The following PHLPP1 variants were observed in gnomAD, a reference collection of about 807,000 sequenced individuals.
PHLPP1 encodes PH domain leucine-rich repeat-containing protein phosphatase 1.
In PHLPP1, 42 loss-of-function variants were observed where a neutral mutation model predicts 117.2. The observed-to-expected ratio is 0.36, with a 90% CI of 0.28 to 0.46. PHLPP1 has a LOEUF of 0.46. Among genes scored for constraint, PHLPP1 ranks in the 20% least tolerant of loss-of-function variants. The probability of loss-of-function intolerance (pLI) is 1.00; values close to 1 mark genes in which losing one functional copy is unlikely to be tolerated. For synonymous variants in PHLPP1, 1,042 were observed against 970.7 expected, an observed-to-expected ratio of 1.07 and a Z score of -1.37; for missense variants, 2,084 against 2,241.9, an observed-to-expected ratio of 0.93 and a Z score of 1.42.
Position 62,978,441 on chromosome 18 carries a change from C to T in PHLPP1, c.4164C>T (p.Ala1388=), listed in dbSNP as rs371707747. The T allele has an allele frequency of 5.0e-6, 8 of 1,611,194 alleles. No individual in the cohort carries two copies. In the Admixed American group the frequency reaches 5.0e-5, roughly 10 times the overall value. Residue 1388 remains alanine (A), a synonymous_variant, in exon 17 of 17, where the codon GCC becomes GCT. Coordinates refer to ENST00000262719, the MANE Select transcript of PHLPP1 (RefSeq NM_194449.4). This position sits in a 1 kb window ranked among gnomAD's most constrained non-coding sequence, Gnocchi z 7.0. ...TGTCCGTCGAGGAGGCCGTGGAAGC[C>T]GTGCGCAACGTGCCCGATGCCCTGG... ...DSLSVEEAVE[A]VRNVPDALAA...
At position 62,830,126 on chromosome 18, in the gene PHLPP1, A is replaced by G; in HGVS notation, c.1668A>G (p.Arg556=). The change falls in exon 2 of 17, where the codon CGA becomes CGG. Residue 556 remains arginine (R), a synonymous_variant. Coordinates refer to ENST00000262719, the MANE Select transcript of PHLPP1 (RefSeq NM_194449.4). ...GCAAGATGCAGTTGCCAGTGAACCG[A>G]TGGACAAGACGCCAAGTCATCCTAT... is the stretch of plus-strand genomic sequence containing the variant. ...RKGKMQLPVN[R]WTRRQVILCG... is the part of the protein sequence containing the mutation. The G allele has an allele frequency of 6.2e-7, 1 of 1,612,352 alleles. No individual in the cohort carries two copies. The highest frequency in any genetic ancestry group is 8.5e-7 in the Non-Finnish European group (1 of 1,179,174).
At chr18:62,849,923 C>T (rs954579773) in intron 3 of PHLPP1, among the ~76,000 whole-genome samples, 15 of 143,140 alleles carry the variant, frequency 1.0e-4, no homozygotes, top group Non-Finnish European at 2.1e-4. Flanking sequence ...AAATTTTCTA[C>T]GCCTACTCCG....
chr18:62,937,731 G>A (rs905914609), intron 10 of PHLPP1, among the ~76,000 whole-genome samples: 2 of 152,172 alleles, frequency 1.3e-5, no homozygotes, highest in African/African-American at 4.8e-5. Flanking sequence ...GAAAATAGTG[G>A]CCAGGTGCAG....
intron 10 of PHLPP1, among the ~76,000 whole-genome samples, chr18:62,927,295 G>C (rs1349658178): frequency 6.6e-6 from 1 of 152,110 alleles, no homozygotes; most frequent in Non-Finnish European, 1.5e-5. Context: ...CCCTGAAAAT[G>C]ACTGGGAAAA....
At chr18:62,834,219 A>G (rs1299367758) in intron 2 of PHLPP1, among the ~76,000 whole-genome samples, 2 of 151,902 alleles carry the variant, frequency 1.3e-5, no homozygotes, top group Non-Finnish European at 2.9e-5. Flanking sequence ...TTGGAGCATC[A>G]TTCATGGGCC....
intron 1 of PHLPP1, among the ~76,000 whole-genome samples, chr18:62,811,029 T>C (rs187290364): frequency 5.9e-5 from 9 of 152,236 alleles, no homozygotes; most frequent in Admixed American, 2.0e-4. Context: ...CATGGAGATA[T>C]AGAGAAAAAG....
At chr18:62,822,280 G>A (rs72945547) in intron 1 of PHLPP1, among the ~76,000 whole-genome samples, 10 of 95,980 alleles carry the variant, frequency 1.0e-4, no homozygotes, top group African/African-American at 3.2e-4. Flanking sequence ...TTTTTTTTTT[G>A]TTTTTGTTTT....
chr18:62,921,028 A>G (rs1453342504), intron 10 of PHLPP1, among the ~76,000 whole-genome samples: 6 of 152,240 alleles, frequency 3.9e-5, no homozygotes, highest in Non-Finnish European at 7.3e-5. Context: ...ACATTAAATG[A>G]AGCTCTGTTA....
chr18:62,923,978 A>G (rs1355227456), intron 10 of PHLPP1, among the ~76,000 whole-genome samples: 1 of 152,240 alleles, frequency 6.6e-6, no homozygotes. Context: ...GATGCATAGG[A>G]CATTGAGAAA....
intron 1 of PHLPP1, among the ~76,000 whole-genome samples, chr18:62,726,696 G>A (rs1264795848): frequency 6.8e-6 from 1 of 147,306 alleles, no homozygotes; most frequent in African/African-American, 2.5e-5. Flanking sequence ...CGATTCTCCT[G>A]CCTCAGCCTC....
intron 13 of PHLPP1, among the ~76,000 whole-genome samples, chr18:62,960,340 C>T (rs185819108): frequency 6.6e-6 from 1 of 152,132 alleles, no homozygotes; most frequent in East Asian, 1.9e-4. Flanking sequence ...GGGAGTAAGT[C>T]ACAAGAAAAG....
chr18:62,917,593 A>T (rs957539153), intron 9 of PHLPP1, among the ~76,000 whole-genome samples: 1 of 152,070 alleles, frequency 6.6e-6, no homozygotes, highest in Admixed American at 6.6e-5. Context: ...AGGCAGGAAG[A>T]TTGCTTGAGC....
chr18:62,979,647 A>G lies in PHLPP1; in HGVS notation c.*216A>G, dbSNP rs28501624. ...GTGATGCTTTACCAATATGATTTAC[A>G]TTTGTTAACTTCTCCCCCTAACATA... On this transcript the variant is annotated 3_prime_UTR_variant, in exon 17 of 17. Coordinates refer to ENST00000262719, the MANE Select transcript of PHLPP1 (RefSeq NM_194449.4). 1,661 of 583,214 alleles carry G rather than the reference A, an allele frequency of 2.8e-3. 22 individuals carry two copies. The highest frequency in any genetic ancestry group is 0.028 in the African/African-American group (1,502 of 53,742). 36.1% of individuals were successfully genotyped at this position (583,214 alleles called of 1,614,324 possible).
Position 62,717,119 on chromosome 18 carries a change from C to A in PHLPP1, c.1436C>A (p.Thr479Asn). 1 of 1,585,110 alleles carries A rather than the reference C, an allele frequency of 6.3e-7. No homozygotes were observed. Residue 479 changes from threonine to asparagine, a missense_variant, in exon 1 of 17, where the codon ACC (threonine) becomes AAC (asparagine). By Grantham distance (65) the Thr-to-Asn change is moderately conservative. Transcript: ENST00000262719. Reference sequence around the variant, plus strand: ...CTGTACGTGCAGCTCCACGGAGAGACCACCCGGCGCTTGGAGGCGGAGGAG... The same window carrying A: ...CTGTACGTGCAGCTCCACGGAGAGAACACCCGGCGCTTGGAGGCGGAGGAG... Reference protein sequence around the residue: ...PTLYVQLHGETTRRLEAEEKP... With the variant: ...PTLYVQLHGENTRRLEAEEKP...
At chr18:62,752,123 G>T (rs994984866) in intron 1 of PHLPP1, among the ~76,000 whole-genome samples, 8 of 152,124 alleles carry the variant, frequency 5.3e-5, no homozygotes, top group African/African-American at 1.7e-4. Flanking sequence ...TGTTGCCCAG[G>T]CTGGAGTGCA....
intron 1 of PHLPP1, among the ~76,000 whole-genome samples, chr18:62,747,694 A>G (rs1006978050): frequency 1.3e-5 from 2 of 151,568 alleles, no homozygotes; most frequent in East Asian, 3.9e-4. Flanking sequence ...TTTTTAAAAA[A>G]TGTTTTGTAG....
At chr18:62,734,283 G>A (rs1284955698) in intron 1 of PHLPP1, among the ~76,000 whole-genome samples, 1 of 152,044 alleles carries the variant, frequency 6.6e-6, no homozygotes, top group Non-Finnish European at 1.5e-5. Flanking sequence ...ATGACCTGGG[G>A]TCATTTTTTA....
chr18:62,859,466 A>G (rs1251171312), intron 3 of PHLPP1, among the ~76,000 whole-genome samples: 1 of 152,230 alleles, frequency 6.6e-6, no homozygotes. Flanking sequence ...TACATAAAAT[A>G]CTTACATGAA....
chr18:62,939,671 G>A (rs971222391), intron 10 of PHLPP1, among the ~76,000 whole-genome samples: 3 of 146,726 alleles, frequency 2.0e-5, no homozygotes, highest in African/African-American at 7.6e-5. Context: ...CGGAATACGT[G>A]TTTCTTTAAT....
Sources: gnomAD v4.1 joint callset for allele counts (sites outside exome capture counted in the v4.1 genomes callset) on GRCh38, gnomAD v4.1.1 for gene constraint, Gnocchi (gnomAD v3.1) non-coding constraint, MANE v1.5 for transcripts, NCBI Gene and HGNC (gene_info 2026-07-23, HGNC 2026-07-21) for gene names.